Variants in PRKCE observed in about 807,000 individuals in gnomAD.
PRKCE encodes protein kinase C epsilon type.
PRKCE carries 16 observed loss-of-function variants against 85.4 expected under a neutral mutation model. The ratio of observed to expected loss-of-function variants is 0.19; its 90% CI spans 0.13 to 0.28. The LOEUF (loss-of-function observed/expected upper bound fraction) is 0.28. Among genes scored for constraint, PRKCE ranks in the 10% least tolerant of loss-of-function variants. The pLI is 1.00. For missense variants in PRKCE, 573 were observed against 975.2 expected, an observed-to-expected ratio of 0.59 and a Z score of 5.49; for synonymous variants, 388 against 371.5, an observed-to-expected ratio of 1.04 and a Z score of -0.51.
At chr2:45,993,049 G>GAA (rs1483242251) in intron 6 of PRKCE, among the ~76,000 whole-genome samples, 2 of 152,096 alleles carry the variant, frequency 1.3e-5, no homozygotes, top group Non-Finnish European at 2.9e-5. Flanking sequence ...AGCACTGAGA[G>GAA]GCATTCTGGA....
rs375034428 is a variant in PRKCE, at chr2:45,866,993, C to A, written c.412+23930C>A. On this transcript the variant is annotated intron_variant, in intron 2 of 14. Transcript: ENST00000306156. ...CATGATAGACTATTTAAAAAAGATG[C>A]ACAGGTCCCACTCCAGACCAGCTAA... Among the ~76,000 whole-genome samples, 9 of 152,248 alleles carry A rather than the reference C, an allele frequency of 5.9e-5. 1 individual carries two copies. Among genetic ancestry groups the A allele is most frequent in the African/African-American group, 2.2e-4 (9 of 41,542 alleles).
chr2:45,800,187 G>C (rs1687746925), intron 1 of PRKCE, among the ~76,000 whole-genome samples: 3 of 152,264 alleles, frequency 2.0e-5, no homozygotes, highest in African/African-American at 7.2e-5. Flanking sequence ...CAAAGGCATG[G>C]AGCAGTATGC....
intron 10 of PRKCE, among the ~76,000 whole-genome samples, chr2:46,013,289 T>C (rs754509721): frequency 2.6e-5 from 4 of 152,204 alleles, no homozygotes; most frequent in Non-Finnish European, 4.4e-5. Flanking sequence ...GATGCTGGGG[T>C]TATTAACCAA....
chr2:45,798,266 T>C (rs1014224444), intron 1 of PRKCE, among the ~76,000 whole-genome samples: 9 of 152,240 alleles, frequency 5.9e-5, no homozygotes, highest in African/African-American at 2.2e-4. Flanking sequence ...GGAATTTATA[T>C]ATGTGGAGCA....
At chr2:46,002,535 G>A (rs578173336) in intron 7 of PRKCE, among the ~76,000 whole-genome samples, 2 of 152,322 alleles carry the variant, frequency 1.3e-5, no homozygotes, top group East Asian at 1.9e-4. Flanking sequence ...GTATAGGAAA[G>A]GTTGAAGGGT....
intron 1 of PRKCE, among the ~76,000 whole-genome samples, chr2:45,732,596 A>T (rs1196495191): frequency 6.6e-6 from 1 of 152,158 alleles, no homozygotes; most frequent in Non-Finnish European, 1.5e-5. Context: ...TAATCATTAT[A>T]ATATCTTAGA....
chr2:45,812,064 C>T (rs1688691376), intron 1 of PRKCE, among the ~76,000 whole-genome samples: 1 of 152,150 alleles, frequency 6.6e-6, no homozygotes, highest in East Asian at 1.9e-4. Context: ...AGTTAAGAAA[C>T]CTGGGTTTTA....
At chr2:45,959,608 A>G (rs1701243419) in intron 2 of PRKCE, among the ~76,000 whole-genome samples, 1 of 152,226 alleles carries the variant, frequency 6.6e-6, no homozygotes, top group East Asian at 1.9e-4. Flanking sequence ...TGCTGGGCAC[A>G]GGATGGCTCA....
At chr2:45,883,175 A>G (rs956239198) in intron 2 of PRKCE, among the ~76,000 whole-genome samples, 6 of 152,202 alleles carry the variant, frequency 3.9e-5, no homozygotes, top group Non-Finnish European at 7.3e-5. Context: ...TTCACTGCAT[A>G]TCGATGCTGC....
rs1301499739 is a variant in PRKCE, at chr2:45,794,852, C to A, written c.349-48148C>A. Among the ~76,000 whole-genome samples, 3 of 151,482 alleles carry A rather than the reference C, an allele frequency of 2.0e-5. 1 individual carries two copies. Among genetic ancestry groups the A allele is most frequent in the East Asian group, 3.9e-4 (2 of 5,140 alleles). On this transcript the variant is annotated intron_variant, in intron 1 of 14. Transcript: ENST00000306156. ...AGGGACAATTATTGCCCTACCCCCC[C>A]CCCCATCCACCATTTCTTTTTTTCT...
intron 2 of PRKCE, among the ~76,000 whole-genome samples, chr2:45,966,885 G>A (rs533099640): frequency 1.1e-3 from 160 of 152,268 alleles, no homozygotes; most frequent in Non-Finnish European, 1.8e-3. Context: ...TGAGGCTGTC[G>A]CTCTTCCTCA....
At chr2:46,036,263 C>T (rs1253363363) in intron 10 of PRKCE, among the ~76,000 whole-genome samples, 1 of 152,054 alleles carries the variant, frequency 6.6e-6, no homozygotes, top group East Asian at 1.9e-4. Context: ...CAGGCACTCA[C>T]CTGACCATTC....
At position 45,947,411 on chromosome 2, in the gene PRKCE, G is replaced by C. The variant is rs544438932; in HGVS notation, c.413-29018G>C. On this transcript the variant is annotated intron_variant, in intron 2 of 14. Coordinates refer to ENST00000306156, the MANE Select transcript of PRKCE (RefSeq NM_005400.3). Reference sequence around the variant, plus strand: ...ATGTTCTAAAATTGACTGTAGGGATGATTACATGACAGAATATATACAAAA... The same window carrying C: ...ATGTTCTAAAATTGACTGTAGGGATCATTACATGACAGAATATATACAAAA... 2.6e-5 allele frequency among the ~76,000 whole-genome samples: 4 copies of C among 152,274 alleles called. No individual in the cohort carries two copies. In the South Asian group the frequency reaches 8.3e-4, roughly 32 times the overall value.
At chr2:45,890,130 A>G (rs1695612256) in intron 2 of PRKCE, among the ~76,000 whole-genome samples, 1 of 152,160 alleles carries the variant, frequency 6.6e-6, no homozygotes, top group African/African-American at 2.4e-5. Flanking sequence ...ACTCTGAAGG[A>G]TAGTCGTTTT....
chr2:45,932,842 A>C (rs1215252756), intron 2 of PRKCE, among the ~76,000 whole-genome samples: 1 of 152,148 alleles, frequency 6.6e-6, no homozygotes, highest in Non-Finnish European at 1.5e-5. Context: ...ATGAATTTTG[A>C]CTACTCTGCA....
intron 2 of PRKCE, among the ~76,000 whole-genome samples, chr2:45,858,536 G>C (rs1692867838): frequency 6.6e-6 from 1 of 152,100 alleles, no homozygotes; most frequent in Non-Finnish European, 1.5e-5. Flanking sequence ...CTATGATCCA[G>C]CTTTAAAATA....
chr2:45,793,331 T>C (rs1160313475), intron 1 of PRKCE, among the ~76,000 whole-genome samples: 2 of 152,194 alleles, frequency 1.3e-5, no homozygotes, highest in South Asian at 2.1e-4. Flanking sequence ...TTCTCTTTCT[T>C]CTTCTGCTCT....
chr2:45,833,682 T>C (rs544882496), intron 1 of PRKCE, among the ~76,000 whole-genome samples: 1 of 152,336 alleles, frequency 6.6e-6, no homozygotes, highest in African/African-American at 2.4e-5. Context: ...CTCTGAGATA[T>C]ATTGACTTAG....
chr2:45,818,337 C>A (rs1573478455), intron 1 of PRKCE, among the ~76,000 whole-genome samples: 1 of 152,124 alleles, frequency 6.6e-6, no homozygotes, highest in Admixed American at 6.5e-5. Context: ...GAACTGGCTG[C>A]CCCACACCCC....
Sources: allele counts gnomAD v4.1 joint callset (sites outside exome capture counted in the v4.1 genomes callset), GRCh38; gene constraint gnomAD v4.1.1; transcripts MANE v1.5; gene names NCBI Gene and HGNC (gene_info 2026-07-23, HGNC 2026-07-21).